Variants in PCDHGB1 observed in about 807,000 individuals in gnomAD.
PCDHGB1 encodes protocadherin gamma subfamily B, 1.
In PCDHGB1, 34 loss-of-function variants were observed where a neutral mutation model predicts 56.6. The observed-to-expected ratio is 0.60, with a 90% CI of 0.46 to 0.80. The LOEUF (loss-of-function observed/expected upper bound fraction) is 0.80, where lower values mean the gene tolerates loss of function less well. Ranked by LOEUF, PCDHGB1 falls within the 30% of genes least tolerant of loss-of-function variation. The pLI is 0.00. For synonymous variants in PCDHGB1, 561 were observed against 505.9 expected (o/e 1.11, Z -1.46); for missense variants, 1,278 against 1,204.6 (o/e 1.06, Z -0.90).
chr5:141,414,475 C>T (rs2095752413), intron 1 of PCDHGB1: 1 of 1,613,804 alleles, frequency 6.2e-7, no homozygotes, highest in Non-Finnish European at 8.5e-7. Flanking sequence ...TGGGGGAAGT[C>T]CTCCTCTATC....
intron 1 of PCDHGB1, chr5:141,355,670 C>G (rs1759931772): frequency 6.2e-7 from 1 of 1,614,014 alleles, no homozygotes; most frequent in Non-Finnish European, 8.5e-7. Context: ...CTTCCTGAAG[C>G]TTTTGATCCG....
At chr5:141,356,183 GAGCTAGA>G (rs756678007) in intron 1 of PCDHGB1, 1 of 1,611,306 alleles carries the variant, frequency 6.2e-7, no homozygotes, top group Admixed American at 1.7e-5. Context: ...CCTGGTCTCC[GAGCTAGA>G]AGCAAGGTAC....
chr5:141,376,631 G>A (rs1250313764), intron 1 of PCDHGB1: 5 of 1,182,416 alleles, frequency 4.2e-6, no homozygotes, highest in East Asian at 2.7e-5. Context: ...AGGAAGATTC[G>A]TGATTTTGTA....
At chr5:141,402,284 T>C (rs2150926780) in intron 1 of PCDHGB1, among the ~76,000 whole-genome samples, 1 of 152,054 alleles carries the variant, frequency 6.6e-6, no homozygotes, top group African/African-American at 2.4e-5. Context: ...GGATAATCTA[T>C]CCTTATATAT....
At chr5:141,398,486 A>G (rs892086829) in intron 1 of PCDHGB1, 17 of 1,608,942 alleles carry the variant, frequency 1.1e-5, no homozygotes, top group Non-Finnish European at 1.4e-5. Flanking sequence ...TATCACGTGA[A>G]TGTGGAGATC....
At chr5:141,455,239 G>A (rs1034181635) in intron 1 of PCDHGB1, among the ~76,000 whole-genome samples, 1 of 151,898 alleles carries the variant, frequency 6.6e-6, no homozygotes, top group African/African-American at 2.4e-5. Context: ...AAATGTTAAA[G>A]GTCATAGTAC....
At chr5:141,427,954 T>G in intron 1 of PCDHGB1, 1 of 1,587,162 alleles carries the variant, frequency 6.3e-7, no homozygotes, top group Non-Finnish European at 8.6e-7. Context: ...AATGACAATG[T>G]GCCGCGGGTG....
chr5:141,478,249 A>T, intron 1 of PCDHGB1: 1 of 1,614,110 alleles, frequency 6.2e-7, no homozygotes, highest in African/African-American at 1.3e-5. Context: ...CAGTGTTCGG[A>T]GTAATCATAT....
intron 1 of PCDHGB1, chr5:141,385,141 G>T (rs1183220869): frequency 1.9e-6 from 3 of 1,614,202 alleles, no homozygotes; most frequent in Non-Finnish European, 2.5e-6. Context: ...CGGGGTGCAG[G>T]CTTTCCTGCA....
At chr5:141,355,185 C>G (rs1431983846) in intron 1 of PCDHGB1, 1 of 1,588,764 alleles carries the variant, frequency 6.3e-7, no homozygotes. Flanking sequence ...ACAGGCGACT[C>G]CGCGGCGGGG....
intron 3 of PCDHGB1, among the ~76,000 whole-genome samples, chr5:141,510,639 T>TATCA (rs998925545): frequency 1.4e-4 from 22 of 152,300 alleles, no homozygotes; most frequent in African/African-American, 4.6e-4. Context: ...TGGTTACCAT[T>TATCA]ATCATCCCCA....
At chr5:141,371,306 TG>T in intron 1 of PCDHGB1, 1 of 1,613,950 alleles carries the variant, frequency 6.2e-7, no homozygotes, top group Non-Finnish European at 8.5e-7. Flanking sequence ...TCACCACTAT[TG>T]GAGAACTGGA....
chr5:141,396,626 A>G (rs1273835228), intron 1 of PCDHGB1: 1 of 152,182 alleles, frequency 6.6e-6, no homozygotes, highest in African/African-American at 2.4e-5. Flanking sequence ...TCTCAAAAAA[A>G]AAAAAAACTA....
chr5:141,395,147 G>T (rs906877951), intron 1 of PCDHGB1: 21 of 1,614,092 alleles, frequency 1.3e-5, no homozygotes, highest in Non-Finnish European at 1.8e-5. Context: ...ACGCAGACAT[G>T]CTCATCAGTC....
At chr5:141,370,972 A>G in intron 1 of PCDHGB1, 1 of 1,614,000 alleles carries the variant, frequency 6.2e-7, no homozygotes, top group Non-Finnish European at 8.5e-7. Context: ...AGGTACCCAG[A>G]GCTAGTACTG....
At chr5:141,382,988 G>A (rs958046112) in intron 1 of PCDHGB1, 1 of 1,613,208 alleles carries the variant, frequency 6.2e-7, no homozygotes, top group East Asian at 2.2e-5. Context: ...TGGGCAGGAC[G>A]TATTCTCTAC....
chr5:141,430,258 A>T (rs542653323), intron 1 of PCDHGB1, among the ~76,000 whole-genome samples: 1 of 147,968 alleles, frequency 6.8e-6, no homozygotes, highest in Non-Finnish European at 1.5e-5. Flanking sequence ...AGACATCTCC[A>T]TAATAGGTGT....
chr5:141,475,553 T>A (rs1159585016), intron 1 of PCDHGB1, among the ~76,000 whole-genome samples: 2 of 152,260 alleles, frequency 1.3e-5, no homozygotes, highest in Non-Finnish European at 2.9e-5. Flanking sequence ...GTCCGGCTAA[T>A]TGTCTGTCTT....
At chr5:141,360,765 G>A (rs1194584899) in intron 1 of PCDHGB1, 1 of 1,613,902 alleles carries the variant, frequency 6.2e-7, no homozygotes, top group East Asian at 2.2e-5. Flanking sequence ...TACATCAATT[G>A]GTCCTCACAG....
Sources: allele counts gnomAD v4.1 joint callset (sites outside exome capture counted in the v4.1 genomes callset), GRCh38; gene constraint gnomAD v4.1.1; transcripts MANE v1.5; gene names NCBI Gene and HGNC (gene_info 2026-07-23, HGNC 2026-07-21).